Variants in MAP3K2 observed in about 807,000 individuals in gnomAD.
The protein encoded by MAP3K2 is mitogen-activated protein kinase kinase kinase 2, also known as MAP/ERK kinase kinase 2.
MAP3K2 carries 24 observed loss-of-function variants against 80.3 expected under a neutral mutation model. The ratio of observed to expected loss-of-function variants is 0.30; its 90% CI spans 0.22 to 0.42. The LOEUF (loss-of-function observed/expected upper bound fraction) is 0.42, where lower values mean the gene tolerates loss of function less well. Among genes scored for constraint, MAP3K2 ranks in the 10% least tolerant of loss-of-function variants. The probability of loss-of-function intolerance (pLI) is 1.00; values close to 1 mark genes in which losing one functional copy is unlikely to be tolerated. For missense variants in MAP3K2, 608 were observed against 750.1 expected (o/e 0.81, Z 2.21); for synonymous variants, 244 against 253.7 (o/e 0.96, Z 0.36).
intron 1 of MAP3K2, among the ~76,000 whole-genome samples, chr2:127,365,615 C>A (rs1451658227): frequency 2.0e-5 from 3 of 152,146 alleles, no homozygotes; most frequent in African/African-American, 7.2e-5. Context: ...AGGTTCACCA[C>A]CAAAAGCTTG....
intron 1 of MAP3K2, among the ~76,000 whole-genome samples, chr2:127,360,829 C>T (rs961701043): frequency 4.6e-5 from 7 of 152,050 alleles, no homozygotes; most frequent in African/African-American, 1.7e-4. Context: ...TACATATATC[C>T]TAATTGCAAG....
At position 127,318,199 on chromosome 2, in the gene MAP3K2, T is replaced by A; in HGVS notation, c.1164A>T (p.Gln388His). ...TGRELAVKQV[Q>H]FDPDSPETSK... ...TGGTCTCAGGACTATCGGGGTCAAA[T>A]TGAACTTGCTTAACAGCCAATTCTC... Residue 388 changes from glutamine to histidine, a missense_variant, in exon 13 of 17, where the codon CAA (glutamine) becomes CAT (histidine). Gln to His is a conservative substitution (Grantham distance 24). This residue lies in a region of MAP3K2 where 467 missense variants were observed against 521.9 expected (regional missense o/e 0.89). Transcript: ENST00000682094. 1 of 1,609,410 alleles carries A rather than the reference T, an allele frequency of 6.2e-7. No individual in the cohort carries two copies. Among genetic ancestry groups the A allele is most frequent in the Non-Finnish European group, 8.5e-7 (1 of 1,178,218 alleles).
At chr2:127,351,025 T>C (rs72845993) in intron 1 of MAP3K2, among the ~76,000 whole-genome samples, 40,272 of 152,046 alleles carry the variant, frequency 0.26, 5,612 homozygotes, top group Middle Eastern at 0.3. Context: ...AATTGAGAAA[T>C]AGTCTAAGAA....
intron 5 of MAP3K2, among the ~76,000 whole-genome samples, chr2:127,334,673 G>A (rs773785374): frequency 6.6e-6 from 1 of 152,180 alleles, no homozygotes; most frequent in East Asian, 1.9e-4. Context: ...TGAACTCCCG[G>A]CCTCAGGTGA....
intron 1 of MAP3K2, among the ~76,000 whole-genome samples, chr2:127,384,211 T>C (rs1185727294): frequency 8.9e-6 from 1 of 112,712 alleles, no homozygotes; most frequent in East Asian, 3.5e-4. Context: ...TAATTTTTAA[T>C]TGATATATAT....
intron 4 of MAP3K2, among the ~76,000 whole-genome samples, chr2:127,337,141 CAA>C (rs1344859084): frequency 7.0e-6 from 1 of 143,692 alleles, no homozygotes; most frequent in African/African-American, 2.5e-5. Flanking sequence ...GACTCCATCT[CAA>C]AAAAAAAAAA....
intron 1 of MAP3K2, among the ~76,000 whole-genome samples, chr2:127,374,952 T>C (rs1359236832): frequency 2.6e-5 from 4 of 152,196 alleles, no homozygotes; most frequent in Admixed American, 2.6e-4. Flanking sequence ...ATAAGGACCC[T>C]GCAACACTAC....
At chr2:127,343,887 T>G (rs1686546448) in intron 1 of MAP3K2, among the ~76,000 whole-genome samples, 1 of 151,824 alleles carries the variant, frequency 6.6e-6, no homozygotes, top group Non-Finnish European at 1.5e-5. Flanking sequence ...GGTGCAGTAG[T>G]GCATGCCTGT....
rs897994187 is a variant in MAP3K2 at position 127,299,019 on chromosome 2, T to C, written c.*8560A>G. 2.0e-5 allele frequency: 3 copies of C among 152,186 alleles called. No homozygotes were observed. Among genetic ancestry groups the C allele is most frequent in the African/African-American group, 7.2e-5 (3 of 41,446 alleles). The allele number at this position is 152,186 out of a possible 1,614,324, so 9.4% of individuals were successfully genotyped here. A position where few individuals can be genotyped will look rare whatever the true frequency, so the allele number is the denominator to read the frequency against. On this transcript the variant is annotated 3_prime_UTR_variant, in exon 17 of 17. Coordinates refer to ENST00000682094, the MANE Select transcript of MAP3K2 (RefSeq NM_001371910.2). ...GAAATTATAAAACTCAGAAATTGTA[T>C]ACATTTTTACAAGCACAATTTTGAA...
chr2:127,340,588 C>T (rs1686459416), intron 2 of MAP3K2, among the ~76,000 whole-genome samples: 1 of 150,912 alleles, frequency 6.6e-6, no homozygotes, highest in Admixed American at 6.6e-5. Flanking sequence ...ACCCAGGAGG[C>T]AGAGGTTGCA....
At chr2:127,329,405 G>A (rs1258083828) in intron 7 of MAP3K2, among the ~76,000 whole-genome samples, 1 of 149,388 alleles carries the variant, frequency 6.7e-6, no homozygotes, top group Non-Finnish European at 1.5e-5. Flanking sequence ...TCGCCAGGCT[G>A]GAGTGCAGTG....
chr2:127,366,866 G>GTTTTTTTTTT (rs367670762), intron 1 of MAP3K2, among the ~76,000 whole-genome samples: 8 of 85,088 alleles, frequency 9.4e-5, no homozygotes, highest in Non-Finnish European at 1.3e-4. Flanking sequence ...ACAGTCAAGG[G>GTTTTTTTTTT]TTTTTTTTTT....
At chr2:127,331,991 T>C (rs1384355702) in intron 5 of MAP3K2, among the ~76,000 whole-genome samples, 1 of 152,240 alleles carries the variant, frequency 6.6e-6, no homozygotes, top group South Asian at 2.1e-4. Flanking sequence ...CTGCTTGCAT[T>C]TACTTACTCT....
At chr2:127,354,261 T>C (rs903795292) in intron 1 of MAP3K2, among the ~76,000 whole-genome samples, 1 of 119,566 alleles carries the variant, frequency 8.4e-6, no homozygotes, top group Non-Finnish European at 1.8e-5. Flanking sequence ...AAGAAAGAAA[T>C]ATCATTTGAA....
intron 9 of MAP3K2, 71 bp from the exon 10 acceptor site, chr2:127,324,312 A>G (rs914049537): frequency 1.2e-5 from 10 of 843,572 alleles, no homozygotes; most frequent in South Asian, 5.3e-5. Context: ...TCTTTGAGCA[A>G]TATCTATATC....
chr2:127,378,095 A>G (rs1367736894), intron 1 of MAP3K2: 4 of 759,738 alleles, frequency 5.3e-6, no homozygotes, highest in African/African-American at 1.9e-5. Flanking sequence ...AAACCTAAGA[A>G]GCTTTACCAG....
chr2:127,315,713 C>T (rs1685888627), intron 14 of MAP3K2, among the ~76,000 whole-genome samples: 1 of 152,132 alleles, frequency 6.6e-6, no homozygotes, highest in South Asian at 2.1e-4. Context: ...GTGAGGAAGG[C>T]AGATCACCTG....
chr2:127,357,303 A>G lies in MAP3K2; in HGVS notation c.-65-14109T>C, dbSNP rs553068856. On this transcript the variant is annotated intron_variant, in intron 1 of 16. Coordinates refer to ENST00000682094, the MANE Select transcript of MAP3K2 (RefSeq NM_001371910.2). Reference sequence around the variant, plus strand: ...AATTTACATTGACAGTCTGGGCAACATAGCAAGAACTCATACCTACAAAAA... The same window carrying G: ...AATTTACATTGACAGTCTGGGCAACGTAGCAAGAACTCATACCTACAAAAA... Among the ~76,000 whole-genome samples, 11 of 152,348 alleles carry G rather than the reference A, an allele frequency of 7.2e-5. No individual in the cohort carries two copies. In the South Asian group the frequency reaches 2.3e-3, roughly 32 times the overall value.
At chr2:127,388,211 C>T (rs1467873097), upstream of MAP3K2, 2 of 985,374 alleles carry the variant, frequency 2.0e-6, no homozygotes, top group Non-Finnish European at 2.4e-6. Flanking sequence ...TGCCCCGGGG[C>T]AGCCTGTGCT....
Sources: gnomAD v4.1 joint callset for allele counts (sites outside exome capture counted in the v4.1 genomes callset) on GRCh38, gnomAD v4.1.1 for gene constraint, gnomAD v4.1.1 regional missense constraint, MANE v1.5 for transcripts, NCBI Gene and HGNC (gene_info 2026-07-23, HGNC 2026-07-21) for gene names.